Variants in FLT3LG observed in about 807,000 individuals in gnomAD.
FLT3LG encodes fms related receptor tyrosine kinase 3 ligand, also known as fms-related tyrosine kinase 3 ligand.
FLT3LG carries 8 observed loss-of-function variants against 30.9 expected under a neutral mutation model. The observed-to-expected ratio is 0.26, with a 90% CI of 0.15 to 0.47. FLT3LG has a LOEUF of 0.47. Among genes scored for constraint, FLT3LG ranks in the 20% least tolerant of loss-of-function variants. The pLI is 0.99. For synonymous variants in FLT3LG, 123 were observed against 135.9 expected, an observed-to-expected ratio of 0.91 and a Z score of 0.66; for missense variants, 278 against 306.2, an observed-to-expected ratio of 0.91 and a Z score of 0.69.
At chr19:49,478,421 T>G (rs1278962462) in intron 5 of FLT3LG, among the ~76,000 whole-genome samples, 2 of 151,234 alleles carry the variant, frequency 1.3e-5, no homozygotes, top group Non-Finnish European at 2.9e-5. Flanking sequence ...GAGCCGAGAT[T>G]GCGCCACTGT....
At chr19:49,480,759 C>T (rs527707004) in intron 8 of FLT3LG, 139 bp downstream of exon 8, 41 of 837,224 alleles carry the variant, frequency 4.9e-5, no homozygotes, top group Admixed American at 3.2e-4. Flanking sequence ...GGGCCAGGCG[C>T]GGTGGCTCAC....
In FLT3LG at chr19:49,479,497, CCTTTTT is replaced by C. The variant is rs1342697751; in HGVS notation, c.481+451_481+456del. 1.4e-3 allele frequency among the ~76,000 whole-genome samples: 162 copies of C among 119,630 alleles called. 2 individuals carry two copies. The highest frequency in any genetic ancestry group is 5.5e-3 in the African/African-American group (156 of 28,434). The allele number at this position is 119,630 out of a possible 152,430, so 78.5% of individuals were successfully genotyped here. On this transcript the variant is annotated intron_variant, in intron 6 of 8. Coordinates refer to ENST00000597551, the MANE Select transcript of FLT3LG (RefSeq NM_001459.4). ...GGCGTGAGCCACAGTGCCCAGCCTA[CCTTTTT>C]TTTTTTTTTTTTTTTTGAGATGGAG... is the stretch of plus-strand genomic sequence containing the variant.
chr19:49,475,481 GA>G (rs1358470874), intron 2 of FLT3LG, among the ~76,000 whole-genome samples: 3 of 151,730 alleles, frequency 2.0e-5, no homozygotes, highest in Non-Finnish European at 2.9e-5. Context: ...GGCAGAGGGG[GA>G]TGCAAACTGG....
At chr19:49,483,856 G>A in intron 8 of FLT3LG, among the ~76,000 whole-genome samples, 1 of 123,892 alleles carries the variant, frequency 8.1e-6, no homozygotes. Context: ...AATAGAGGGA[G>A]ACTCTGTCTC....
rs16981277 is a variant in FLT3LG, at chr19:49,474,758, A to G, written c.33+86A>G. 8.0e-3 allele frequency: 10,907 copies of G among 1,366,988 alleles called. 396 individuals carry two copies. In the African/African-American group the frequency reaches 0.098, roughly 12 times the overall value. 84.7% of individuals were successfully genotyped at this position (1,366,988 alleles called of 1,614,324 possible). On this transcript the variant is annotated intron_variant, in intron 2 of 8. Transcript: ENST00000597551. The stretch of plus-strand genomic sequence containing the variant: ...GAGATGAGGGGAGATGGACGGGAGA[A>G]CAGATGGACAGATGACGAGGAAATA...
At chr19:49,478,857 AG>A (rs2079491095) in intron 5 of FLT3LG, 51 bp from the exon 6 acceptor site, 21 of 1,441,538 alleles carry the variant, frequency 1.5e-5, no homozygotes, top group Non-Finnish European at 1.9e-5. Flanking sequence ...TGGCCTGCGG[AG>A]GGGCGGTGGG....
chr19:49,474,474 G>A, intron 1 of FLT3LG, 129 bp from the exon 2 acceptor site: 1 of 666,070 alleles, frequency 1.5e-6, no homozygotes, highest in South Asian at 1.8e-5. Flanking sequence ...GACGCAGGAA[G>A]CCTGGGGGAG....
Position 49,480,593 on chromosome 19 carries a change from G to A in FLT3LG, c.702G>A (p.Glu234=), listed in dbSNP as rs754221396. ...GTCCCCAGGACCTGCTGCTTGTGGA[G>A]CACTGACCTGGCCAAGGCCTCATCC... The part of the protein sequence containing the change: ...VPSPQDLLLV[E]H The change falls in exon 8 of 9, where the codon GAG becomes GAA. Residue 234 remains glutamate, a synonymous_variant. Coordinates refer to ENST00000597551, the MANE Select transcript of FLT3LG (RefSeq NM_001459.4). 6.2e-7 allele frequency: 1 copy of A among 1,612,848 alleles called. No homozygotes were observed. Among genetic ancestry groups the A allele is most frequent in the Admixed American group, 1.7e-5 (1 of 59,920 alleles).
intron 8 of FLT3LG, among the ~76,000 whole-genome samples, chr19:49,484,494 T>TTTG (rs200278696): frequency 6.6e-5 from 10 of 151,370 alleles, no homozygotes; most frequent in East Asian, 5.9e-4. Flanking sequence ...CGGGGTTTCT[T>TTTG]TTGTTGTTGT....
At chr19:49,479,128 C>G (rs1204543479) in intron 6 of FLT3LG, 81 bp downstream of exon 6, 2 of 1,249,300 alleles carry the variant, frequency 1.6e-6, no homozygotes, top group Non-Finnish European at 2.1e-6. Context: ...CATCCCAGAC[C>G]CCATCTTTCT....
rs1183698572 is a variant in FLT3LG at position 49,474,676 on chromosome 19, C to T, written c.33+4C>T. 3.7e-6 allele frequency: 6 copies of T among 1,611,662 alleles called. No homozygotes were observed. Among genetic ancestry groups the T allele is most frequent in the Non-Finnish European group, 5.1e-6 (6 of 1,179,472 alleles). On this transcript the variant is annotated splice_donor_region_variant and intron_variant, in intron 2 of 8. Coordinates refer to ENST00000597551, the MANE Select transcript of FLT3LG (RefSeq NM_001459.4). The stretch of plus-strand genomic sequence containing the variant: ...GGCGCCAGCCTGGAGCCCAACAGTG[C>T]GTAAACCCCAGGGACAAGATCAGGG...
chr19:49,479,472 G>C lies in FLT3LG; in HGVS notation c.481+425G>C, dbSNP rs142873173. 1.1e-3 allele frequency among the ~76,000 whole-genome samples: 165 copies of C among 147,684 alleles called. 2 individuals are homozygous for C. In the East Asian group the frequency reaches 0.03, roughly 27 times the overall value. On this transcript the variant is annotated intron_variant, in intron 6 of 8. Coordinates refer to ENST00000597551, the MANE Select transcript of FLT3LG (RefSeq NM_001459.4). ...GGCCTCCCAAAGTGCTGGGATTACAGGCGTGAGCCACAGTGCCCAGCCTAC... is the reference window on the plus strand; with the variant it reads ...GGCCTCCCAAAGTGCTGGGATTACACGCGTGAGCCACAGTGCCCAGCCTAC...
intron 5 of FLT3LG, among the ~76,000 whole-genome samples, chr19:49,478,481 A>C (rs979091647): frequency 1.3e-5 from 2 of 150,108 alleles, no homozygotes; most frequent in Admixed American, 1.3e-4. Context: ...ATAAATAAAT[A>C]AATAAATATG....
At chr19:49,480,518 G>A (rs992383029) in intron 7 of FLT3LG, 34 bp from the exon 8 acceptor site, 11 of 1,609,046 alleles carry the variant, frequency 6.8e-6, no homozygotes, top group South Asian at 4.4e-5. Flanking sequence ...CCGAGAGGGT[G>A]GCCCACTTGT....
intron 8 of FLT3LG, chr19:49,482,385 C>G (rs1269808716): frequency 6.6e-6 from 1 of 152,260 alleles, no homozygotes; most frequent in Non-Finnish European, 1.5e-5. Context: ...CTCAGCCTCC[C>G]AAAGTGCTGG....
intron 8 of FLT3LG, chr19:49,482,214 C>T (rs1453803280): frequency 6.6e-6 from 1 of 151,974 alleles, no homozygotes; most frequent in African/African-American, 2.4e-5. Context: ...CAGCCCCCGC[C>T]TCCCAGGTTC....
intron 2 of FLT3LG, 160 bp from the exon 3 acceptor site, chr19:49,475,531 C>T: frequency 5.3e-6 from 5 of 940,320 alleles, no homozygotes; most frequent in African/African-American, 5.0e-5. Context: ...CCGGGAAAGA[C>T]AGGCAGAGAT....
intron 5 of FLT3LG, among the ~76,000 whole-genome samples, chr19:49,478,215 T>C (rs1417677791): frequency 6.8e-6 from 1 of 148,066 alleles, no homozygotes; most frequent in Non-Finnish European, 1.5e-5. Flanking sequence ...ACGCCTGTAA[T>C]CCCACACTTT....
Position 49,479,004 on chromosome 19 carries a change from T to C in FLT3LG, c.438T>C (p.Thr146=), listed in dbSNP as rs148441000. Reference sequence around the variant, plus strand: ...TGGTGGCGCTGAAGCCCTGGATCACTCGCCAGAACTTCTCCCGGTGCCTGG... The same window carrying C: ...TGGTGGCGCTGAAGCCCTGGATCACCCGCCAGAACTTCTCCCGGTGCCTGG... The part of the protein sequence containing the change: ...EQLVALKPWI[T]RQNFSRCLEL... Residue 146 remains threonine (T), a synonymous_variant, in exon 6 of 9, where the codon ACT becomes ACC. Coordinates refer to ENST00000597551, the MANE Select transcript of FLT3LG (RefSeq NM_001459.4). 1.1e-4 allele frequency: 182 copies of C among 1,607,178 alleles called. No homozygotes were observed. The African/African-American group carries it at 2.2e-3, about 19-fold the overall frequency.
Sources: allele counts gnomAD v4.1 joint callset (sites outside exome capture counted in the v4.1 genomes callset), GRCh38; gene constraint gnomAD v4.1.1; transcripts MANE v1.5; gene names NCBI Gene and HGNC (gene_info 2026-07-23, HGNC 2026-07-21).